Variants in TMEM143 observed in about 807,000 individuals in gnomAD.
The protein encoded by TMEM143 is transmembrane protein 143.
In TMEM143, 45 loss-of-function variants were observed where a neutral mutation model predicts 40.3. That is an observed-to-expected ratio of 1.12 (90% confidence interval 0.88 to 1.43). The LOEUF (loss-of-function observed/expected upper bound fraction) is 1.43, where lower values mean the gene tolerates loss of function less well. Among genes scored for constraint, TMEM143 ranks in the 40% most tolerant of loss-of-function variants. The pLI, the probability that TMEM143 is intolerant of heterozygous loss-of-function variation, is 0.00. For synonymous variants in TMEM143, 299 were observed against 282.7 expected (o/e 1.06, Z -0.58); for missense variants, 620 against 613.4 (o/e 1.01, Z -0.11).
At chr19:48,339,461 C>T (rs1969441708) in intron 6 of TMEM143, among the ~76,000 whole-genome samples, 1 of 152,198 alleles carries the variant, frequency 6.6e-6, no homozygotes, top group Admixed American at 6.5e-5. Flanking sequence ...TTGCTCCCCG[C>T]ACCCCTTATC....
chr19:48,360,210 C>T, intron 2 of TMEM143, 34 bp from the exon 3 acceptor site: 1 of 1,592,614 alleles, frequency 6.3e-7, no homozygotes, highest in Admixed American at 1.7e-5. Context: ...TCTCTGTAGG[C>T]CTTTTCCCCT....
At chr19:48,361,314 C>T (rs11083932) in intron 2 of TMEM143, among the ~76,000 whole-genome samples, 5,833 of 151,612 alleles carry the variant, frequency 0.038, 164 homozygotes, top group Non-Finnish European at 0.057. Flanking sequence ...TCTTCCTCCA[C>T]GGTTCAAGCA....
intron 3 of TMEM143, among the ~76,000 whole-genome samples, chr19:48,354,390 G>C (rs535084189): frequency 6.7e-6 from 1 of 149,518 alleles, no homozygotes; most frequent in Non-Finnish European, 1.5e-5. Context: ...TCAGCCTCCC[G>C]AGTAGCTGGG....
At chr19:48,338,787 G>A (rs911742364) in intron 6 of TMEM143, among the ~76,000 whole-genome samples, 3 of 152,138 alleles carry the variant, frequency 2.0e-5, no homozygotes, top group African/African-American at 7.2e-5. Flanking sequence ...GGGCTAAGGG[G>A]CTTCACAGTA....
At chr19:48,353,227 T>A (rs532253766) in intron 3 of TMEM143, among the ~76,000 whole-genome samples, 79 of 151,788 alleles carry the variant, frequency 5.2e-4, no homozygotes, top group African/African-American at 1.8e-3. Context: ...TTGCCCAGGC[T>A]GGAGTGCAGT....
Position 48,352,817 on chromosome 19 carries a change from ATG to A in TMEM143, c.369+7253_369+7254del, listed in dbSNP as rs1354138647. On this transcript the variant is annotated intron_variant, in intron 3 of 7. Transcript: ENST00000293261. ...TATTTTGTGGAGACAGAGCCTTACT[ATG>A]TTGTCCAAGCTGGTCTCAAACTCCT... Among the ~76,000 whole-genome samples, 21 of 151,948 alleles carry A rather than the reference ATG, an allele frequency of 1.4e-4. No homozygotes were observed. In the South Asian group the frequency reaches 4.4e-3, roughly 32 times the overall value.
At chr19:48,336,286 G>C (rs996956629) in intron 6 of TMEM143, among the ~76,000 whole-genome samples, 1 of 152,054 alleles carries the variant, frequency 6.6e-6, no homozygotes, top group Non-Finnish European at 1.5e-5. Flanking sequence ...GGGAGGCCGA[G>C]ACGGGCAGAT....
At chr19:48,336,698 T>C (rs1020905352) in intron 6 of TMEM143, among the ~76,000 whole-genome samples, 1 of 148,836 alleles carries the variant, frequency 6.7e-6, no homozygotes, top group African/African-American at 2.5e-5. Flanking sequence ...TGACACTGTG[T>C]CTCAAAAAAA....
chr19:48,344,987 C>G (rs1055590954), intron 4 of TMEM143, among the ~76,000 whole-genome samples, 173 bp downstream of exon 4: 1 of 152,236 alleles, frequency 6.6e-6, no homozygotes, highest in African/African-American at 2.4e-5. Flanking sequence ...GGATTACAGG[C>G]TTGAGCCACT....
rs1308402219 is a variant in TMEM143 at position 48,363,496 on chromosome 19, G to C, written c.59C>G (p.Thr20Ser). ...RGKGLAMLHV[T>S]RGVWGSRVRV... ...GACCCTGGACCCCCAGACCCCCCGG[G>C]TCACATGCAGCATGGCTAGACCCTT... Residue 20 changes from threonine to serine, a missense_variant, in exon 2 of 8, where the codon ACC (threonine) becomes AGC (serine). Coordinates refer to ENST00000293261, the MANE Select transcript of TMEM143 (RefSeq NM_018273.4). The C allele has an allele frequency of 6.2e-7, 1 of 1,613,732 alleles. No individual in the cohort carries two copies. Among genetic ancestry groups the C allele is most frequent in the Admixed American group, 1.7e-5 (1 of 60,004 alleles).
At chr19:48,340,121 A>ATTTTTTTTTTTTTTTTTTTTTT (rs11369636) in intron 6 of TMEM143, among the ~76,000 whole-genome samples, 1 of 98,572 alleles carries the variant, frequency 1.0e-5, no homozygotes, top group Non-Finnish European at 1.9e-5. Context: ...GTCAACTGGG[A>ATTTTTTTTTTTTTTTTTTTTTT]TTTTTTTTTT....
chr19:48,338,562 C>A (rs911690054), intron 6 of TMEM143, among the ~76,000 whole-genome samples: 2 of 152,258 alleles, frequency 1.3e-5, no homozygotes, highest in African/African-American at 4.8e-5. Flanking sequence ...ATGTTCACTG[C>A]CTCATCCTCA....
At chr19:48,351,968 C>T (rs115812730) in intron 3 of TMEM143, among the ~76,000 whole-genome samples, 2,833 of 152,110 alleles carry the variant, frequency 0.019, 78 homozygotes, top group African/African-American at 0.065. Context: ...ATGTCTGCAG[C>T]CGGGCGCGGT....
intron 6 of TMEM143, among the ~76,000 whole-genome samples, chr19:48,339,743 G>A (rs1394492264): frequency 6.6e-6 from 1 of 151,990 alleles, no homozygotes; most frequent in Non-Finnish European, 1.5e-5. Flanking sequence ...GTTTGTTTGT[G>A]TTGGGATGGG....
At chr19:48,363,843 T>G (rs1256509136) in intron 1 of TMEM143, 55 bp downstream of exon 1, 1 of 1,611,950 alleles carries the variant, frequency 6.2e-7, no homozygotes, top group African/African-American at 1.3e-5. Flanking sequence ...AAAGGTTACC[T>G]AGGGGGTGCA....
At chr19:48,338,926 G>A (rs565024503) in intron 6 of TMEM143, among the ~76,000 whole-genome samples, 1 of 152,308 alleles carries the variant, frequency 6.6e-6, no homozygotes, top group African/African-American at 2.4e-5. Context: ...CCAACAAGAG[G>A]AAAGGGCATT....
rs1452841844 is a variant in TMEM143, at chr19:48,343,047, G to A, written c.696-238C>T. On this transcript the variant is annotated intron_variant, in intron 5 of 7. Transcript: ENST00000293261. ...TGTTTGTTGGAATCCTGGCCGTGCC[G>A]CATCTTCAGAATGTGGACCTCCCTC... is the stretch of plus-strand genomic sequence containing the variant. 17 of 672,804 alleles carry A rather than the reference G, an allele frequency of 2.5e-5. No homozygotes were observed. In the East Asian group the frequency reaches 3.3e-4, roughly 13 times the overall value. 41.7% of individuals were successfully genotyped at this position (672,804 alleles called of 1,614,324 possible).
chr19:48,358,149 G>T (rs551957887), intron 3 of TMEM143, among the ~76,000 whole-genome samples: 1 of 152,248 alleles, frequency 6.6e-6, no homozygotes, highest in Non-Finnish European at 1.5e-5. Flanking sequence ...ACTTTGGGAG[G>T]CCAAGGCAGG....
chr19:48,340,250 C>T (rs1969460774), intron 6 of TMEM143, among the ~76,000 whole-genome samples: 1 of 150,490 alleles, frequency 6.6e-6, no homozygotes, highest in Non-Finnish European at 1.5e-5. Context: ...CCTCAGCCTC[C>T]AGAGTAGCTG....
Sources: gnomAD v4.1 joint callset for allele counts (sites outside exome capture counted in the v4.1 genomes callset) on GRCh38, gnomAD v4.1.1 for gene constraint, MANE v1.5 for transcripts, NCBI Gene and HGNC (gene_info 2026-07-23, HGNC 2026-07-21) for gene names.